The following LAMB2 variants were observed in gnomAD, a reference collection of about 807,000 sequenced individuals.
LAMB2 encodes laminin subunit beta 2.
A neutral mutation model predicts 202.7 loss-of-function variants in LAMB2; 119 were observed. The ratio of observed to expected loss-of-function variants is 0.59; its 90% CI spans 0.51 to 0.68. LAMB2 has a LOEUF of 0.68. LAMB2 is among the 30% of genes least tolerant of loss of function. The probability of loss-of-function intolerance (pLI) is 0.00; values close to 1 mark genes in which losing one functional copy is unlikely to be tolerated. For synonymous variants in LAMB2, 818 were observed against 902.2 expected (o/e 0.91, Z 1.67); for missense variants, 2,124 against 2,410.6 (o/e 0.88, Z 2.49).
chr3:49,122,191 G>A lies in LAMB2; in HGVS notation c.4753C>T (p.Gln1585Ter). The change falls in exon 28 of 32, where the codon CAG (glutamine) becomes TAG (stop). Residue 1585 changes from glutamine (Q) to a stop codon, truncating the protein, a stop_gained. Transcript: ENST00000305544. LOFTEE classifies it high-confidence loss of function. ...RTVGDVRRAE[Q>*]LLQDARRARS... ...GCCCGCCGTGCATCCTGCAGTAGCT[G>A]CTCGGCACGACGCACATCTCCTACA... The A allele has an allele frequency of 6.2e-7, 1 of 1,613,510 alleles. No individual in the cohort carries two copies. Among genetic ancestry groups the A allele is most frequent in the Non-Finnish European group, 8.5e-7 (1 of 1,180,032 alleles).
rs150064487 is a variant in LAMB2, at chr3:49,123,207, G to T, written c.4149C>A (p.His1383Gln). ...TGCCAAGTGCCCGCTGGTTGGCCAT[G>T]TGTTTGCTGTTGAAGTCCTCCTTCT... ...DAQKEDFNSK[H>Q]MANQRALGKL... The change falls in exon 26 of 32, where the codon CAC becomes CAA. Residue 1383 changes from histidine to glutamine, a missense_variant. By Grantham distance (24) the His-to-Gln change is conservative (BLOSUM62 0). Transcript: ENST00000305544. 3.1e-5 allele frequency: 50 copies of T among 1,613,986 alleles called. No homozygotes were observed. The African/African-American group carries it at 6.5e-4, about 21-fold the overall frequency.
At chr3:49,127,911 T>C (rs2045434829) in intron 15 of LAMB2, among the ~76,000 whole-genome samples, 1 of 148,016 alleles carries the variant, frequency 6.8e-6, no homozygotes, top group Admixed American at 6.8e-5. Flanking sequence ...TCCCAGCTAC[T>C]CGGGATGCTG....
chr3:49,130,362 G>A lies in LAMB2; in HGVS notation c.1094C>T (p.Ala365Val). The A allele has an allele frequency of 6.2e-7, 1 of 1,614,166 alleles. No individual in the cohort carries two copies. Among genetic ancestry groups the A allele is most frequent in the South Asian group, 1.1e-5 (1 of 91,084 alleles). Residue 365 changes from alanine to valine, a missense_variant, in exon 9 of 32, where the codon GCA becomes GTA. Transcript: ENST00000305544. The surrounding 1 kb of genome is among the most constrained non-coding windows in gnomAD (Gnocchi z 5.0). Reference sequence around the variant, plus strand: ...CACACCTCCACTCACATTGCCAGATGCCAGGTATACGGCCATGTCGAAGTG... The same window carrying A: ...CACACCTCCACTCACATTGCCAGATACCAGGTATACGGCCATGTCGAAGTG... ...SCHFDMAVYL[A>V]SGNVSGGVCD...
Position 49,131,170 on chromosome 3 carries a change from G to C in LAMB2, c.713-18C>G. The C allele has an allele frequency of 1.2e-6, 2 of 1,611,726 alleles. No homozygotes were observed. Among genetic ancestry groups the C allele is most frequent in the Non-Finnish European group, 8.5e-7 (1 of 1,179,020 alleles). On this transcript the variant is annotated intron_variant, in intron 6 of 31. Transcript: ENST00000305544. This position sits in a 1 kb window ranked among gnomAD's most constrained non-coding sequence, Gnocchi z 5.0. Reference sequence around the variant, plus strand: ...CAACAGGTCTGAGGCGGGGGAAGGGGGGCCAACTGACCAGGCAGGCCCTTG... The same window carrying C: ...CAACAGGTCTGAGGCGGGGGAAGGGCGGCCAACTGACCAGGCAGGCCCTTG...
chr3:49,130,967 C>T lies in LAMB2; in HGVS notation c.898G>A (p.Ala300Thr), dbSNP rs761482156. ...CCCCTTACCATGCCCTCAGCATGGGCTGGTGCCCCTGGGGCGGGTGCACAC... is the reference window on the plus strand; with the variant it reads ...CCCCTTACCATGCCCTCAGCATGGGTTGGTGCCCCTGGGGCGGGTGCACAC... Reference protein sequence around the residue: ...SECAPAPGAPAHAEGMVHGAC... With the variant: ...SECAPAPGAPTHAEGMVHGAC... The change falls in exon 7 of 32, where the codon GCC becomes ACC. Residue 300 changes from alanine (A) to threonine (T), a missense_variant. By Grantham distance (58) the Ala-to-Thr change is moderately conservative. Around this residue, in one of 3 missense-constraint regions of LAMB2, gnomAD observed 256 missense variants for 356.1 expected, o/e 0.72. Coordinates refer to ENST00000305544, the MANE Select transcript of LAMB2 (RefSeq NM_002292.4). This position sits in a 1 kb window ranked among gnomAD's most constrained non-coding sequence, Gnocchi z 5.0. The T allele has an allele frequency of 1.3e-5, 21 of 1,614,006 alleles. No homozygotes were observed. The highest frequency in any genetic ancestry group is 1.8e-5 in the Non-Finnish European group (21 of 1,180,048).
Position 49,132,490 on chromosome 3 carries a change from C to G in LAMB2, c.249+1G>C, listed in dbSNP as rs779317615. On this transcript the variant is annotated splice_donor_variant, in intron 2 of 31. Coordinates refer to ENST00000305544, the MANE Select transcript of LAMB2 (RefSeq NM_002292.4). LOFTEE classifies it high-confidence loss of function. The surrounding 1 kb of genome is among the most constrained non-coding windows in gnomAD (Gnocchi z 4.6). Reference sequence around the variant, plus strand: ...GCGTCACACCCTGTCCCCAGCCACACCTGCAGGTGACTGACGATGCAGTAG... The same window carrying G: ...GCGTCACACCCTGTCCCCAGCCACAGCTGCAGGTGACTGACGATGCAGTAG... 4 of 1,613,944 alleles carry G rather than the reference C, an allele frequency of 2.5e-6. No individual in the cohort carries two copies. Among genetic ancestry groups the G allele is most frequent in the Non-Finnish European group, 3.4e-6 (4 of 1,180,024 alleles).
Position 49,129,562 on chromosome 3 carries a change from G to T in LAMB2, c.1518+42C>A. 1 of 1,515,564 alleles carries T rather than the reference G, an allele frequency of 6.6e-7. No homozygotes were observed. Among genetic ancestry groups the T allele is most frequent in the Non-Finnish European group, 9.2e-7 (1 of 1,091,356 alleles). 93.9% of individuals were successfully genotyped at this position (1,515,564 alleles called of 1,614,324 possible). A position where few individuals can be genotyped will look rare whatever the true frequency, so the allele number is the denominator to read the frequency against. ...TGACACCCCAGCCCTGTGCTCTAAGGACAAATCATGCCCCTAGAACTCCAG... is the reference window on the plus strand; with the variant it reads ...TGACACCCCAGCCCTGTGCTCTAAGTACAAATCATGCCCCTAGAACTCCAG... On this transcript the variant is annotated intron_variant, in intron 11 of 31. Transcript: ENST00000305544. This position sits in a 1 kb window ranked among gnomAD's most constrained non-coding sequence, Gnocchi z 6.1.
In LAMB2 at chr3:49,132,117, T is replaced by G; in HGVS notation, c.458A>C (p.Lys153Thr). The change falls in exon 4 of 32, where the codon AAG becomes ACG. Residue 153 changes from lysine (K) to threonine (T), a missense_variant and splice_region_variant. This residue lies in a region of LAMB2 where 256 missense variants were observed against 356.1 expected (regional missense o/e 0.72). Coordinates refer to ENST00000305544, the MANE Select transcript of LAMB2 (RefSeq NM_002292.4). This position sits in a 1 kb window ranked among gnomAD's most constrained non-coding sequence, Gnocchi z 4.6. Reference protein sequence around the residue: ...FHFTHLIMTFKTFRPAAMLVE... With the variant: ...FHFTHLIMTFTTFRPAAMLVE... ...GCAGGCTCCCAGATATGCAGGCACC[T>G]TGAAGGTCATAATGAGGTGTGTGAA... 6.2e-7 allele frequency: 1 copy of G among 1,614,020 alleles called. No homozygotes were observed. The highest frequency in any genetic ancestry group is 8.5e-7 in the Non-Finnish European group (1 of 1,179,938).
Position 49,129,596 on chromosome 3 carries a change from A to G in LAMB2, c.1518+8T>C. On this transcript the variant is annotated splice_region_variant and intron_variant, in intron 11 of 31. Coordinates refer to ENST00000305544, the MANE Select transcript of LAMB2 (RefSeq NM_002292.4). The surrounding 1 kb of genome is among the most constrained non-coding windows in gnomAD (Gnocchi z 6.1). ...TGCCCCTAGAACTCCAGCCCCTTCC[A>G]GTCGCACCAGGCAGCGGTCACATCC... 1 of 1,605,052 alleles carries G rather than the reference A, an allele frequency of 6.2e-7. No individual in the cohort carries two copies. The highest frequency in any genetic ancestry group is 8.5e-7 in the Non-Finnish European group (1 of 1,171,836).
At position 49,126,169 on chromosome 3, in the gene LAMB2, T is replaced by TC; in HGVS notation, c.2152-11_2152-10insG. The stretch of plus-strand genomic sequence containing the variant: ...GGGGCAGCAGCACCAGCTGAAGGAG[T>TC]GAGCAAGGAAGATCGCAGTTCAGAC... On this transcript the variant is annotated splice_polypyrimidine_tract_variant and intron_variant, in intron 16 of 31. Transcript: ENST00000305544. 1.9e-6 allele frequency: 3 copies of TC among 1,611,006 alleles called. No homozygotes were observed. The highest frequency in any genetic ancestry group is 2.5e-6 in the Non-Finnish European group (3 of 1,179,764).
chr3:49,130,101 A>G lies in LAMB2; in HGVS notation c.1226-83T>C, dbSNP rs1575536035. The G allele has an allele frequency of 6.4e-7, 1 of 1,560,158 alleles. No individual in the cohort carries two copies. Among genetic ancestry groups the G allele is most frequent in the Non-Finnish European group, 8.8e-7 (1 of 1,131,928 alleles). ...TCCTCTCCTAAGCCTAAGGGATCCC[A>G]CCCTGGATCCCTGGTCAAGTTCTAT... On this transcript the variant is annotated intron_variant, in intron 9 of 31. Transcript: ENST00000305544. The surrounding 1 kb of genome is among the most constrained non-coding windows in gnomAD (Gnocchi z 5.0).
In LAMB2 at chr3:49,132,048, A is replaced by C; in HGVS notation, c.459+68T>G. On this transcript the variant is annotated intron_variant, in intron 4 of 31. Coordinates refer to ENST00000305544, the MANE Select transcript of LAMB2 (RefSeq NM_002292.4). The surrounding 1 kb of genome is among the most constrained non-coding windows in gnomAD (Gnocchi z 4.6). ...TCAAGGAGGCTGTGTTAAGGAGCTG[A>C]GGCTCTGTCCAGGGGCAATGGAGAG... The C allele has an allele frequency of 6.9e-7, 1 of 1,444,618 alleles. No homozygotes were observed. Among genetic ancestry groups the C allele is most frequent in the South Asian group, 1.1e-5 (1 of 87,068 alleles). 89.5% of individuals were successfully genotyped at this position (1,444,618 alleles called of 1,614,324 possible).
Position 49,130,001 on chromosome 3 carries a change from T to C in LAMB2, c.1243A>G (p.Met415Val), listed in dbSNP as rs2045464556. Residue 415 changes from methionine (M) to valine (V), a missense_variant, in exon 10 of 32, where the codon ATG (methionine) becomes GTG (valine). Coordinates refer to ENST00000305544, the MANE Select transcript of LAMB2 (RefSeq NM_002292.4). The surrounding 1 kb of genome is among the most constrained non-coding windows in gnomAD (Gnocchi z 5.0). ...AVCRSCDCDP[M>V]GSQDGGRCDS... ...CAGCGACCACCGTCTTGAGAACCCA[T>C]GGGGTCACAATCACAGGCTGACGGC... 2.5e-6 allele frequency: 4 copies of C among 1,613,976 alleles called. No homozygotes were observed. Among genetic ancestry groups the C allele is most frequent in the Non-Finnish European group, 8.5e-7 (1 of 1,180,014 alleles).
rs779010059 is a variant in LAMB2, at chr3:49,132,334, G to A, written c.321C>T (p.Arg107=). The change falls in exon 3 of 32, where the codon CGC becomes CGT. Residue 107 remains arginine (R), a synonymous_variant. Coordinates refer to ENST00000305544, the MANE Select transcript of LAMB2 (RefSeq NM_002292.4). The surrounding 1 kb of genome is among the most constrained non-coding windows in gnomAD (Gnocchi z 4.6). ...FSARDNPHSH[R]IQNVVTSFAP... ...CAAAGCTGGTGACTACATTCTGGAT[G>A]CGATGGCTGTGTGGGTTGTCTCTAG... is the stretch of plus-strand genomic sequence containing the variant. 4 of 1,614,244 alleles carry A rather than the reference G, an allele frequency of 2.5e-6. No homozygotes were observed. The highest frequency in any genetic ancestry group is 3.4e-6 in the Non-Finnish European group (4 of 1,180,034).
chr3:49,132,073 G>A lies in LAMB2; in HGVS notation c.459+43C>T. On this transcript the variant is annotated intron_variant, in intron 4 of 31. Coordinates refer to ENST00000305544, the MANE Select transcript of LAMB2 (RefSeq NM_002292.4). The surrounding 1 kb of genome is among the most constrained non-coding windows in gnomAD (Gnocchi z 4.6). ...AGGCTCTGTCCAGGGGCAATGGAGA[G>A]CCAAGCAGGGTGATTCGGGCAGGCT... 2 of 1,583,388 alleles carry A rather than the reference G, an allele frequency of 1.3e-6. No individual in the cohort carries two copies. The highest frequency in any genetic ancestry group is 8.7e-7 in the Non-Finnish European group (1 of 1,152,258).
Position 49,125,815 on chromosome 3 carries a change from C to A in LAMB2, c.2420G>T (p.Gly807Val), listed in dbSNP as rs200740666. 8.1e-6 allele frequency: 13 copies of A among 1,614,140 alleles called. No individual in the cohort carries two copies. Among genetic ancestry groups the A allele is most frequent in the Non-Finnish European group, 1.1e-5 (13 of 1,180,022 alleles). Residue 807 changes from glycine to valine, a missense_variant, in exon 18 of 32, where the codon GGA becomes GTA. Around this residue, in one of 3 missense-constraint regions of LAMB2, gnomAD observed 1,702 missense variants for 1,896.3 expected, o/e 0.90. Transcript: ENST00000305544. Reference sequence around the variant, plus strand: ...GAGGTCACAGCGGCGCCCAACCACTCCAGGCTTGCACAGGCACTGACCACC... The same window carrying A: ...GAGGTCACAGCGGCGCCCAACCACTACAGGCTTGCACAGGCACTGACCACC... ...PHGGQCLCKP[G>V]VVGRRCDLCA...
intron 15 of LAMB2, 130 bp from the exon 16 acceptor site, chr3:49,126,627 GC>G: frequency 8.9e-7 from 1 of 1,123,656 alleles, no homozygotes; most frequent in Non-Finnish European, 1.3e-6. Context: ...GTTGCGTTGG[GC>G]TGCGCTAGGC....
rs2045398486 is a variant in LAMB2 at position 49,125,182 on chromosome 3, G to A, written c.2721-13C>T. On this transcript the variant is annotated splice_polypyrimidine_tract_variant and intron_variant, in intron 19 of 31. Coordinates refer to ENST00000305544, the MANE Select transcript of LAMB2 (RefSeq NM_002292.4). ...ACCAGCAATGCACCTGCAGGGAGGAGGAAGAAGAAATGTGTCATCCCTGGG... is the reference window on the plus strand; with the variant it reads ...ACCAGCAATGCACCTGCAGGGAGGAAGAAGAAGAAATGTGTCATCCCTGGG... 1.2e-6 allele frequency: 2 copies of A among 1,613,408 alleles called. No homozygotes were observed. Among genetic ancestry groups the A allele is most frequent in the Admixed American group, 3.3e-5 (2 of 60,002 alleles).
chr3:49,128,982 C>A (rs763104394), intron 13 of LAMB2, 38 bp downstream of exon 13: 128 of 1,604,382 alleles, frequency 8.0e-5, no homozygotes, highest in Non-Finnish European at 1.1e-4. Context: ...GACGTGTCCA[C>A]CCACATCCAG....
Sources: allele counts gnomAD v4.1 joint callset (sites outside exome capture counted in the v4.1 genomes callset), GRCh38; gene constraint gnomAD v4.1.1; regional missense constraint gnomAD v4.1.1; non-coding constraint Gnocchi (gnomAD v3.1); transcripts MANE v1.5; gene names NCBI Gene and HGNC (gene_info 2026-07-23, HGNC 2026-07-21).